Variants in DAZL observed in about 807,000 individuals in gnomAD.
DAZL encodes deleted in azoospermia-like.
In DAZL, 4 loss-of-function variants were observed where a neutral mutation model predicts 45.0. The ratio of observed to expected loss-of-function variants is 0.09; its 90% confidence interval spans 0.04 to 0.20. DAZL has a LOEUF of 0.20. Ranked by LOEUF, DAZL falls within the 10% of genes least tolerant of loss-of-function variation. The pLI is 1.00. For synonymous variants in DAZL, 122 were observed against 112.4 expected, an observed-to-expected ratio of 1.09 and a Z score of -0.54; for missense variants, 326 against 351.3, an observed-to-expected ratio of 0.93 and a Z score of 0.58.
chr3:16,592,178 AGAC>A, intron 9 of DAZL, 30 bp from the exon 10 acceptor site: 1 of 1,607,720 alleles, frequency 6.2e-7, no homozygotes, highest in East Asian at 2.2e-5. Context: ...AGTAATGTAA[AGAC>A]GACTCTTTCA....
intron 10 of DAZL, 59 bp downstream of exon 10, chr3:16,591,991 C>T: frequency 6.4e-7 from 1 of 1,552,408 alleles, no homozygotes; most frequent in Non-Finnish European, 8.9e-7. Flanking sequence ...ACAAGGAAAA[C>T]AGATACTTTA....
chr3:16,601,982 G>C (rs1265697296), intron 1 of DAZL, among the ~76,000 whole-genome samples: 1 of 152,130 alleles, frequency 6.6e-6, no homozygotes, highest in Non-Finnish European at 1.5e-5. Context: ...CCAGGAAAAA[G>C]GCTATAATTT....
At chr3:16,597,126 G>T in intron 4 of DAZL, 75 bp from the exon 5 acceptor site, 1 of 1,462,708 alleles carries the variant, frequency 6.8e-7, no homozygotes, top group Non-Finnish European at 9.5e-7. Flanking sequence ...AACACCTAAA[G>T]TCTTCTAAAA....
At position 16,586,807 on chromosome 3, in the gene DAZL, CTTTATT is replaced by C. The variant is rs1418026500; in HGVS notation, c.*1847_*1852del. 5.3e-5 allele frequency: 8 copies of C among 152,106 alleles called. No individual in the cohort carries two copies. The South Asian group carries it at 1.7e-3, about 32-fold the overall frequency. The allele number at this position is 152,106 out of a possible 1,614,324, so 9.4% of individuals were successfully genotyped here. A position where few individuals can be genotyped will look rare whatever the true frequency, so the allele number is the denominator to read the frequency against. On this transcript the variant is annotated 3_prime_UTR_variant, in exon 11 of 11. Transcript: ENST00000399444. The stretch of plus-strand genomic sequence containing the variant: ...CTAAAAACACTTTTGAAGAAAAAAA[CTTTATT>C]TTTATTCATGTATGCAAAGACAGTA...
In DAZL at chr3:16,605,404, C is replaced by A. The variant is rs941891727; in HGVS notation, c.-199G>T. 5 of 677,916 alleles carry A rather than the reference C, an allele frequency of 7.4e-6. No homozygotes were observed. The East Asian group carries it at 1.1e-4, about 15-fold the overall frequency. 42.0% of individuals were successfully genotyped at this position (677,916 alleles called of 1,614,324 possible). On this transcript the variant is annotated 5_prime_UTR_variant, in exon 1 of 11. Coordinates refer to ENST00000399444, the MANE Select transcript of DAZL (RefSeq NM_001351.4). Reference sequence around the variant, plus strand: ...GAGCCCCGAAAGGCGGACCGTCAGGCTGAGGAGCGCAGGCGGACTGAGGCG... The same window carrying A: ...GAGCCCCGAAAGGCGGACCGTCAGGATGAGGAGCGCAGGCGGACTGAGGCG...
At chr3:16,602,102 GA>G (rs1270339603) in intron 1 of DAZL, among the ~76,000 whole-genome samples, 2 of 152,098 alleles carry the variant, frequency 1.3e-5, no homozygotes, top group Non-Finnish European at 2.9e-5. Context: ...GTAAATCCAA[GA>G]GTAGATTCTT....
chr3:16,589,518 A>G (rs1694486746), intron 10 of DAZL, among the ~76,000 whole-genome samples: 1 of 152,206 alleles, frequency 6.6e-6, no homozygotes. Context: ...CAGGTCACGC[A>G]GGAAACAAGA....
chr3:16,601,021 G>A (rs1189329189), intron 1 of DAZL, among the ~76,000 whole-genome samples: 1 of 152,150 alleles, frequency 6.6e-6, no homozygotes, highest in Non-Finnish European at 1.5e-5. Context: ...CTACAACAAG[G>A]AACTATTTGG....
At chr3:16,599,669 C>A (rs926767513) in intron 1 of DAZL, among the ~76,000 whole-genome samples, 2 of 152,156 alleles carry the variant, frequency 1.3e-5, no homozygotes, top group African/African-American at 2.4e-5. Flanking sequence ...ACACATATAA[C>A]TCATTTTTTC....
Position 16,598,524 on chromosome 3 carries a change from G to A in DAZL, c.78C>T (p.Thr26=), listed in dbSNP as rs1694634737. 1 of 1,606,626 alleles carries A rather than the reference G, an allele frequency of 6.2e-7. No individual in the cohort carries two copies. The highest frequency in any genetic ancestry group is 1.3e-5 in the African/African-American group (1 of 74,886). The part of the protein sequence containing the change: ...EASTQSSSAA[T]SQGYILPEGK... ...CTTCTGGTAAAATATAGCCTTGGCT[G>A]GTTGCAGCTGATGAGGACTGGGTGC... is the stretch of plus-strand genomic sequence containing the variant. Residue 26 remains threonine, a synonymous_variant, in exon 2 of 11, where the codon ACC becomes ACT. Transcript: ENST00000399444.
At position 16,592,046 on chromosome 3, in the gene DAZL, A is replaced by G. The variant is rs571461048; in HGVS notation, c.834+4T>C. ...TTAATTGTGCGTAACTGTTATATTC[A>G]TACCTTGAAGTAGTCATCTTGAGTA... On this transcript the variant is annotated splice_donor_region_variant and intron_variant, in intron 10 of 10. Transcript: ENST00000399444. The G allele has an allele frequency of 2.9e-5, 47 of 1,611,252 alleles. 1 individual carries two copies. In the South Asian group the frequency reaches 4.6e-4, roughly 16 times the overall value.
chr3:16,605,110 G>C, intron 1 of DAZL, 93 bp downstream of exon 1: 1 of 1,516,900 alleles, frequency 6.6e-7, no homozygotes, highest in Non-Finnish European at 9.2e-7. Flanking sequence ...GGAAAGCCGA[G>C]GATGACTTCA....
At chr3:16,604,359 A>C (rs1694740385) in intron 1 of DAZL, 8 of 1,257,456 alleles carry the variant, frequency 6.4e-6, no homozygotes, top group Non-Finnish European at 7.8e-6. Flanking sequence ...TTGTCAAAGG[A>C]TCCTGGTTTA....
chr3:16,590,738 G>A (rs560616927), intron 10 of DAZL, among the ~76,000 whole-genome samples: 1 of 152,240 alleles, frequency 6.6e-6, no homozygotes, highest in South Asian at 2.1e-4. Context: ...AAAATATTAT[G>A]CTGACTGAAA....
intron 2 of DAZL, 123 bp downstream of exon 2, chr3:16,598,329 G>T: frequency 6.9e-7 from 1 of 1,449,116 alleles, no homozygotes; most frequent in Non-Finnish European, 9.6e-7. Flanking sequence ...AGTACCTATG[G>T]GTCAAATGTA....
intron 1 of DAZL, among the ~76,000 whole-genome samples, chr3:16,601,818 T>C (rs777353864): frequency 3.9e-5 from 6 of 152,206 alleles, no homozygotes; most frequent in Non-Finnish European, 5.9e-5. Flanking sequence ...ATAGCAAACA[T>C]ATTCCTTGTT....
Position 16,604,486 on chromosome 3 carries a change from C to T in DAZL, c.3+717G>A, listed in dbSNP as rs188966680. ...CAGGCGAGCTTTTCTGTCGCCGCCA[C>T]ACGAGGGAGCCGCCATCAGCAAGTC... On this transcript the variant is annotated intron_variant, in intron 1 of 10. Coordinates refer to ENST00000399444, the MANE Select transcript of DAZL (RefSeq NM_001351.4). 34,478 of 1,525,016 alleles carry T rather than the reference C, an allele frequency of 0.023. 463 individuals carry two copies. The highest frequency in any genetic ancestry group is 0.026 in the Non-Finnish European group (29,540 of 1,141,392). 94.5% of individuals were successfully genotyped at this position (1,525,016 alleles called of 1,614,324 possible).
At chr3:16,601,106 T>C (rs1361848943) in intron 1 of DAZL, among the ~76,000 whole-genome samples, 2 of 152,224 alleles carry the variant, frequency 1.3e-5, no homozygotes, top group African/African-American at 2.4e-5. Context: ...AATTATTGTT[T>C]GGGAAGAACC....
At chr3:16,599,940 A>G (rs571927625) in intron 1 of DAZL, among the ~76,000 whole-genome samples, 1 of 152,328 alleles carries the variant, frequency 6.6e-6, no homozygotes, top group Non-Finnish European at 1.5e-5. Context: ...TTCATTTTGT[A>G]AAGTATAAAG....
Sources: allele counts gnomAD v4.1 joint callset (sites outside exome capture counted in the v4.1 genomes callset), GRCh38; gene constraint gnomAD v4.1.1; transcripts MANE v1.5; gene names NCBI Gene and HGNC (gene_info 2026-07-23, HGNC 2026-07-21).